Variants in ARHGEF6 observed in about 807,000 individuals in gnomAD.
ARHGEF6 encodes the protein Rac/Cdc42 guanine nucleotide exchange factor 6.
A neutral mutation model predicts 70.3 loss-of-function variants in ARHGEF6; 9 were observed. The ratio of observed to expected loss-of-function variants is 0.13; its 90% CI spans 0.08 to 0.22. The LOEUF (loss-of-function observed/expected upper bound fraction) is 0.22, where lower values mean the gene tolerates loss of function less well. Among genes scored for constraint, ARHGEF6 ranks in the 10% least tolerant of loss-of-function variants. The pLI, the probability that ARHGEF6 is intolerant of heterozygous loss-of-function variation, is 1.00. For missense variants in ARHGEF6, 470 were observed against 563.0 expected (o/e 0.83, Z 1.67); for synonymous variants, 201 against 207.8 (o/e 0.97, Z 0.28).
chrX:136,713,944 G>A (rs1213767953), intron 6 of ARHGEF6, among the ~76,000 whole-genome samples: 2 of 111,928 alleles, frequency 1.8e-5, no homozygotes, highest in Admixed American at 1.9e-4. Flanking sequence ...GGATCACTGT[G>A]ATAACAAACA....
intron 3 of ARHGEF6, among the ~76,000 whole-genome samples, 167 bp downstream of exon 3, chrX:136,747,341 G>T (rs1370633561): frequency 9.0e-6 from 1 of 111,020 alleles, no homozygotes; most frequent in Non-Finnish European, 1.9e-5. Flanking sequence ...TAAATCCTAA[G>T]CCATGAAAAA....
chrX:136,720,538 C>A (rs911056948), intron 6 of ARHGEF6, among the ~76,000 whole-genome samples: 2 of 110,494 alleles, frequency 1.8e-5, no homozygotes, highest in Non-Finnish European at 3.8e-5. Context: ...TAACAAAAAA[C>A]CCCGACATCT....
At chrX:136,681,375 C>T (rs780151686) in intron 14 of ARHGEF6, among the ~76,000 whole-genome samples, 18 of 112,268 alleles carry the variant, frequency 1.6e-4, no homozygotes, top group Non-Finnish European at 3.0e-4. Flanking sequence ...CAGGCCACTA[C>T]ATATAAATGA....
intron 6 of ARHGEF6, among the ~76,000 whole-genome samples, chrX:136,720,609 G>A (rs1177219291): frequency 9.0e-6 from 1 of 111,415 alleles, no homozygotes; most frequent in African/African-American, 3.3e-5. Flanking sequence ...AACAAAACAA[G>A]AGTGTTCCCT....
chrX:136,721,958 G>A (rs1331861238), intron 6 of ARHGEF6, among the ~76,000 whole-genome samples: 2 of 111,553 alleles, frequency 1.8e-5, no homozygotes, highest in African/African-American at 6.5e-5. Flanking sequence ...TGATAACTCT[G>A]TGAGGTAATA....
chrX:136,717,570 A>G (rs1450366629), intron 6 of ARHGEF6, among the ~76,000 whole-genome samples: 1 of 111,974 alleles, frequency 8.9e-6, no homozygotes. Context: ...TAAAATAAAA[A>G]CTTTTTTCTT....
rs1354517467 is a variant in ARHGEF6 at position 136,747,528 on chromosome X, G to C, written c.314C>G (p.Ala105Gly). The C allele has an allele frequency of 8.3e-7, 1 of 1,208,224 alleles. No homozygotes were observed. Among genetic ancestry groups the C allele is most frequent in the Non-Finnish European group, 1.1e-6 (1 of 893,496 alleles). The change falls in exon 3 of 22, where the codon GCT (alanine) becomes GGT (glycine). Residue 105 changes from alanine (A) to glycine (G), a missense_variant. Around this residue, in one of 3 missense-constraint regions of ARHGEF6, gnomAD observed 379 missense variants for 449.3 expected, o/e 0.84. Coordinates refer to ENST00000250617, the MANE Select transcript of ARHGEF6 (RefSeq NM_004840.3). ...CTTACCTTCTGTTGCTTTGTTGACA[G>C]CTAAAAGAGTACTCAGTACCTTGGA... ...NFSKVLSTLL[A>G]VNKATEDQLS...
chrX:136,682,699 G>C, intron 13 of ARHGEF6, 59 bp downstream of exon 13: 1 of 954,937 alleles, frequency 1.0e-6, no homozygotes, highest in Non-Finnish European at 1.5e-6. Context: ...TATTGCATCT[G>C]GATGGAAACC....
chrX:136,723,299 T>C (rs923538640), intron 6 of ARHGEF6, among the ~76,000 whole-genome samples: 1 of 112,418 alleles, frequency 8.9e-6, no homozygotes, highest in East Asian at 2.8e-4. Flanking sequence ...GTGAATTTTA[T>C]GCTATGTGAA....
intron 17 of ARHGEF6, among the ~76,000 whole-genome samples, chrX:136,677,024 TA>T (rs1244325674): frequency 3.6e-5 from 4 of 112,334 alleles, no homozygotes; most frequent in African/African-American, 1.3e-4. Context: ...GCAGAGAAAG[TA>T]AGGGATGTCA....
At chrX:136,764,450 A>G (rs1221374589) in intron 2 of ARHGEF6, among the ~76,000 whole-genome samples, 2 of 112,451 alleles carry the variant, frequency 1.8e-5, no homozygotes, top group East Asian at 5.6e-4. Context: ...AGCAAGAAAA[A>G]AAGTGAACCA....
At chrX:136,770,244 T>C (rs190575354) in intron 2 of ARHGEF6, among the ~76,000 whole-genome samples, 51 of 112,689 alleles carry the variant, frequency 4.5e-4, no homozygotes, top group Non-Finnish European at 8.8e-4. Flanking sequence ...AATGCAAGAT[T>C]GATTTAATAT....
At chrX:136,702,730 C>T (rs1489515260) in intron 9 of ARHGEF6, among the ~76,000 whole-genome samples, 2 of 111,914 alleles carry the variant, frequency 1.8e-5, no homozygotes, top group Non-Finnish European at 3.8e-5. Context: ...TATCAAAATA[C>T]ATGAAACAAA....
intron 8 of ARHGEF6, among the ~76,000 whole-genome samples, chrX:136,707,648 A>G (rs924287025): frequency 8.9e-6 from 1 of 111,835 alleles, no homozygotes; most frequent in Non-Finnish European, 1.9e-5. Flanking sequence ...TTATGAATCT[A>G]GTTTGTAATC....
intron 11 of ARHGEF6, among the ~76,000 whole-genome samples, chrX:136,686,625 C>CATATATATAT (rs796276387): frequency 1.6e-4 from 9 of 54,984 alleles, no homozygotes; most frequent in East Asian, 5.0e-4. Flanking sequence ...TATATATACA[C>CATATATATAT]ATATATATAT....
intron 2 of ARHGEF6, among the ~76,000 whole-genome samples, chrX:136,775,114 G>A (rs1365560795): frequency 1.8e-5 from 2 of 111,148 alleles, no homozygotes; most frequent in Non-Finnish European, 3.8e-5. Flanking sequence ...GATTCTATCA[G>A]ACATTCAAAG....
intron 20 of ARHGEF6, among the ~76,000 whole-genome samples, chrX:136,670,971 C>T (rs2076219755): frequency 8.9e-6 from 1 of 112,024 alleles, no homozygotes; most frequent in Admixed American, 9.4e-5. Context: ...GAACCAGTTT[C>T]CTTCTCATCC....
At chrX:136,773,756 G>C (rs765394047) in intron 2 of ARHGEF6, among the ~76,000 whole-genome samples, 3 of 111,833 alleles carry the variant, frequency 2.7e-5, no homozygotes, top group Non-Finnish European at 5.6e-5. Flanking sequence ...AAGGAGCATA[G>C]AGAGGTCAAG....
chrX:136,768,236 G>A (rs1308037289), intron 2 of ARHGEF6, among the ~76,000 whole-genome samples: 1 of 112,304 alleles, frequency 8.9e-6, no homozygotes, highest in Non-Finnish European at 1.9e-5. Flanking sequence ...GAGAGAGAAC[G>A]AAAATGTTCA....
Sources: allele counts gnomAD v4.1 joint callset (sites outside exome capture counted in the v4.1 genomes callset), GRCh38; gene constraint gnomAD v4.1.1; regional missense constraint gnomAD v4.1.1; transcripts MANE v1.5; gene names NCBI Gene and HGNC (gene_info 2026-07-23, HGNC 2026-07-21).